The following TRIM37 variants were observed in gnomAD, a reference collection of about 807,000 sequenced individuals.
TRIM37 encodes the protein tripartite motif containing 37.
A neutral mutation model predicts 129.8 loss-of-function variants in TRIM37; 80 were observed. The observed-to-expected ratio is 0.62, with a 90% CI of 0.51 to 0.74. TRIM37 has a LOEUF of 0.74. TRIM37 is among the 30% of genes least tolerant of loss of function. The pLI is 0.00. For missense variants in TRIM37, 1,054 were observed against 1,176.5 expected, an observed-to-expected ratio of 0.90 and a Z score of 1.52; for synonymous variants, 389 against 387.1, an observed-to-expected ratio of 1.00 and a Z score of -0.06.
chr17:59,070,338 T>C (rs982848206), intron 9 of TRIM37, among the ~76,000 whole-genome samples: 4 of 152,146 alleles, frequency 2.6e-5, no homozygotes, highest in African/African-American at 9.7e-5. Flanking sequence ...ATTTCATCAG[T>C]TTCTGAGTTT....
Position 59,106,735 on chromosome 17 carries a change from G to C in TRIM37, c.-274C>G, listed in dbSNP as rs751168022. 8.7e-6 allele frequency: 5 copies of C among 571,566 alleles called. No individual in the cohort carries two copies. In the East Asian group the frequency reaches 1.2e-4, roughly 14 times the overall value. The allele number at this position is 571,566 out of a possible 1,614,324, so 35.4% of individuals were successfully genotyped here. A position where few individuals can be genotyped will look rare whatever the true frequency, so the allele number is the denominator to read the frequency against. On this transcript the variant is annotated 5_prime_UTR_variant, in exon 1 of 24. Coordinates refer to ENST00000262294, the MANE Select transcript of TRIM37 (RefSeq NM_015294.6). ...TTTCTCCCGGCTCAGCCGCCGGCCA[G>C]CAGCCGCGCCGGAACCTCGGCCCAC...
chr17:59,020,130 C>A (rs1397292348), intron 19 of TRIM37, among the ~76,000 whole-genome samples: 11 of 141,326 alleles, frequency 7.8e-5, no homozygotes, highest in African/African-American at 2.9e-4. Context: ...ACTCAGGAGG[C>A]TGAGGTAGGA....
chr17:58,996,809 TGTGTG>T (rs1567922060), downstream of TRIM37, among the ~76,000 whole-genome samples: 7 of 150,634 alleles, frequency 4.6e-5, no homozygotes, highest in South Asian at 2.1e-4. Flanking sequence ...TGTGTGTGTG[TGTGTG>T]TGTGTGTATG....
chr17:58,996,931 C>T (rs1366961810), downstream of TRIM37, among the ~76,000 whole-genome samples: 4 of 151,914 alleles, frequency 2.6e-5, no homozygotes, highest in African/African-American at 9.7e-5. Context: ...AGGAAAGCAT[C>T]TGTCAAACCC....
chr17:59,056,715 C>CAAAAA (rs2040928347), intron 13 of TRIM37, among the ~76,000 whole-genome samples, 160 bp downstream of exon 13: 1 of 3,926 alleles, frequency 2.5e-4, no homozygotes. Flanking sequence ...GACTATGTCT[C>CAAAAA]CAAAAAAAAA....
Position 59,051,333 on chromosome 17 carries a change from A to G in TRIM37, c.1200-5T>C, listed in dbSNP as rs1326036403. ...GTTGGTGAACGTACCTGAAACCTTA[A>G]AAGAATTGTGCCACATTAAAAAAAA... On this transcript the variant is annotated splice_polypyrimidine_tract_variant and splice_region_variant and intron_variant, in intron 13 of 23. Transcript: ENST00000262294. The G allele has an allele frequency of 1.3e-6, 2 of 1,592,064 alleles. No homozygotes were observed. The highest frequency in any genetic ancestry group is 1.3e-5 in the African/African-American group (1 of 74,560).
At chr17:59,011,780 C>G (rs1018444114) in intron 22 of TRIM37, among the ~76,000 whole-genome samples, 2 of 152,148 alleles carry the variant, frequency 1.3e-5, no homozygotes, top group Non-Finnish European at 2.9e-5. Context: ...ATGGTCAAAA[C>G]TTGGAATGCT....
intron 16 of TRIM37, 70 bp downstream of exon 16, chr17:59,047,613 T>A (rs1328122524): frequency 6.8e-7 from 1 of 1,474,694 alleles, no homozygotes; most frequent in Admixed American, 1.8e-5. Context: ...TACATTTAAG[T>A]GTGAGTTAGT....
intron 4 of TRIM37, among the ~76,000 whole-genome samples, chr17:59,087,585 A>G (rs374881251): frequency 1.7e-4 from 25 of 150,598 alleles, no homozygotes; most frequent in African/African-American, 5.6e-4. Flanking sequence ...GCACACCACC[A>G]CACCCTGTTC....
chr17:59,030,277 T>C (rs910905685), intron 18 of TRIM37, among the ~76,000 whole-genome samples: 32 of 152,334 alleles, frequency 2.1e-4, no homozygotes, highest in Admixed American at 2.0e-3. Flanking sequence ...GGCTAATTTT[T>C]TGTATTTTTA....
chr17:59,031,949 T>C lies in TRIM37; in HGVS notation c.1895A>G (p.Glu632Gly). 1 of 1,614,118 alleles carries C rather than the reference T, an allele frequency of 6.2e-7. No individual in the cohort carries two copies. The highest frequency in any genetic ancestry group is 1.1e-5 in the South Asian group (1 of 91,086). ...LLDLKDRSSI[E>G]NLWGLQPRPP... ...GCGAGGCTGTAAGCCCCACAAATTT[T>C]CTATACTGCTCCGGTCCTTAAGGTC... The change falls in exon 18 of 24, where the codon GAA becomes GGA. Residue 632 changes from glutamate to glycine, a missense_variant. Physicochemically the swap from Glu to Gly is moderately conservative, Grantham distance 98. Around this residue, in one of 3 missense-constraint regions of TRIM37, gnomAD observed 752 missense variants for 870.8 expected, o/e 0.86. Transcript: ENST00000262294.
intron 16 of TRIM37, among the ~76,000 whole-genome samples, chr17:59,046,212 T>C (rs35249354): frequency 0.042 from 6,350 of 152,116 alleles, 197 homozygotes; most frequent in Non-Finnish European, 0.062. Flanking sequence ...TAGGAAAAAG[T>C]AGGATGAAAA....
At chr17:58,981,596 A>G (rs1317579367), downstream of TRIM37, 1 of 152,684 alleles carries the variant, frequency 6.5e-6, no homozygotes, top group East Asian at 1.9e-4. Context: ...AAATCAGTGT[A>G]AAAGTGTCAT....
At chr17:58,990,036 T>G (rs1598746110) in intron 24 of TRIM37, among the ~76,000 whole-genome samples, 1 of 150,844 alleles carries the variant, frequency 6.6e-6, no homozygotes, top group Non-Finnish European at 1.5e-5. Flanking sequence ...AAAAATTAGC[T>G]GGACATGGTG....
At chr17:59,056,271 TG>T (rs2040860161) in intron 13 of TRIM37, among the ~76,000 whole-genome samples, 1 of 151,834 alleles carries the variant, frequency 6.6e-6, no homozygotes, top group African/African-American at 2.4e-5. Context: ...CTCAAACTCC[TG>T]GGCCCAAGCC....
chr17:58,970,545 AG>A, the TRIM37 span, among the ~76,000 whole-genome samples: 1 of 152,344 alleles, frequency 6.6e-6, no homozygotes, highest in South Asian at 2.1e-4. Context: ...TGGAGAGATC[AG>A]GGTAATCATT....
At chr17:58,971,920 T>C in the TRIM37 span, among the ~76,000 whole-genome samples, 1 of 152,218 alleles carries the variant, frequency 6.6e-6, no homozygotes, top group East Asian at 1.9e-4. Flanking sequence ...GCCCTGCATA[T>C]CACAGATCAG....
At chr17:58,992,257 AT>A in intron 24 of TRIM37, among the ~76,000 whole-genome samples, 1 of 145,070 alleles carries the variant, frequency 6.9e-6, no homozygotes, top group African/African-American at 2.5e-5. Context: ...ATATATATAT[AT>A]ATAAATATAA....
At chr17:59,090,190 C>T (rs763932890) in intron 3 of TRIM37, 2 of 152,032 alleles carry the variant, frequency 1.3e-5, no homozygotes, top group Non-Finnish European at 2.9e-5. Flanking sequence ...GTAGAGATAA[C>T]CTAAATGTCT....
Sources: allele counts gnomAD v4.1 joint callset (sites outside exome capture counted in the v4.1 genomes callset), GRCh38; gene constraint gnomAD v4.1.1; regional missense constraint gnomAD v4.1.1; transcripts MANE v1.5; gene names NCBI Gene and HGNC (gene_info 2026-07-23, HGNC 2026-07-21).